SGCZ: variants seen among roughly 807,000 people sequenced by gnomAD.
The protein encoded by SGCZ is sarcoglycan zeta.
SGCZ carries 40 observed loss-of-function variants against 41.3 expected under a neutral mutation model. The ratio of observed to expected loss-of-function variants is 0.97; its 90% CI spans 0.75 to 1.26. The LOEUF (loss-of-function observed/expected upper bound fraction) is 1.26. Ranked by LOEUF, SGCZ falls within the 50% of genes most tolerant of loss-of-function variation. SGCZ has a pLI of 0.00. For missense variants in SGCZ, 552 were observed against 369.8 expected, an observed-to-expected ratio of 1.49 and a Z score of -4.04; for synonymous variants, 206 against 137.5, an observed-to-expected ratio of 1.50 and a Z score of -3.49.
At chr8:14,201,946 T>C (rs111288946) in intron 4 of SGCZ, among the ~76,000 whole-genome samples, 1,971 of 152,308 alleles carry the variant, frequency 0.013, 52 homozygotes, top group African/African-American at 0.046. Flanking sequence ...TGAAAATATA[T>C]GTAAGACTTA....
chr8:15,150,841 A>T (rs1484165947), intron 1 of SGCZ, among the ~76,000 whole-genome samples: 1 of 151,942 alleles, frequency 6.6e-6, no homozygotes, highest in Admixed American at 6.6e-5. Context: ...TTTCTTTACT[A>T]TTTGCAGCTG....
intron 1 of SGCZ, among the ~76,000 whole-genome samples, chr8:15,000,617 G>A (rs974120860): frequency 3.3e-5 from 5 of 152,234 alleles, no homozygotes; most frequent in African/African-American, 1.2e-4. Context: ...TGCCAGCCAC[G>A]TGTACAGCAA....
intron 1 of SGCZ, among the ~76,000 whole-genome samples, chr8:14,692,349 T>C (rs911210961): frequency 2.0e-5 from 3 of 152,098 alleles, no homozygotes; most frequent in African/African-American, 7.2e-5. Flanking sequence ...GATTTACTAT[T>C]ATCATAAGTG....
At chr8:14,802,777 G>A (rs1219221412) in intron 1 of SGCZ, among the ~76,000 whole-genome samples, 2 of 152,166 alleles carry the variant, frequency 1.3e-5, no homozygotes, top group Non-Finnish European at 1.5e-5. Context: ...TGAAAAATGG[G>A]CTTAGATGAG....
intron 1 of SGCZ, among the ~76,000 whole-genome samples, chr8:14,626,309 C>T (rs1352742101): frequency 6.6e-6 from 1 of 152,072 alleles, no homozygotes; most frequent in African/African-American, 2.4e-5. Context: ...TATCCCTCCC[C>T]CAACCCCCTC....
chr8:15,161,958 G>T (rs999220696), intron 1 of SGCZ, among the ~76,000 whole-genome samples: 2 of 152,154 alleles, frequency 1.3e-5, no homozygotes, highest in Non-Finnish European at 2.9e-5. Flanking sequence ...TTGAGCCCAG[G>T]AAGTGGAGGT....
intron 1 of SGCZ, among the ~76,000 whole-genome samples, chr8:14,729,550 C>T (rs1285271594): frequency 1.3e-5 from 2 of 152,110 alleles, no homozygotes; most frequent in Non-Finnish European, 2.9e-5. Context: ...CATGTGAGGA[C>T]ACAGTGAGAA....
chr8:14,876,746 A>C (rs1804370945), intron 1 of SGCZ, among the ~76,000 whole-genome samples: 1 of 152,160 alleles, frequency 6.6e-6, no homozygotes, highest in Non-Finnish European at 1.5e-5. Context: ...ATTAAGAGAG[A>C]GGCAAGAGGA....
intron 1 of SGCZ, among the ~76,000 whole-genome samples, chr8:15,149,185 T>C (rs1049328293): frequency 6.6e-6 from 1 of 152,046 alleles, no homozygotes; most frequent in Non-Finnish European, 1.5e-5. Flanking sequence ...TATTTTTTTT[T>C]ATTATTGACT....
At chr8:15,083,484 A>G (rs1355171195) in intron 1 of SGCZ, among the ~76,000 whole-genome samples, 2 of 152,150 alleles carry the variant, frequency 1.3e-5, no homozygotes, top group Admixed American at 6.6e-5. Context: ...TCTAGTTAAC[A>G]TATGTGTTTA....
chr8:14,193,844 T>C (rs1264771155), intron 4 of SGCZ, among the ~76,000 whole-genome samples: 2 of 151,864 alleles, frequency 1.3e-5, no homozygotes, highest in Non-Finnish European at 3.0e-5. Context: ...GCTTTTGGTT[T>C]AATAAAGAAA....
chr8:14,182,053 G>C (rs1006134508), intron 4 of SGCZ, among the ~76,000 whole-genome samples: 2 of 152,116 alleles, frequency 1.3e-5, no homozygotes, highest in African/African-American at 4.8e-5. Context: ...TTTCTCCTTT[G>C]CATGCTGCTA....
chr8:14,348,660 A>C (rs971418318), intron 2 of SGCZ, among the ~76,000 whole-genome samples: 1 of 152,158 alleles, frequency 6.6e-6, no homozygotes, highest in Admixed American at 6.6e-5. Flanking sequence ...TATTCTCCCA[A>C]GGAACGCACA....
intron 1 of SGCZ, among the ~76,000 whole-genome samples, chr8:15,201,272 C>A (rs1800880010): frequency 6.6e-6 from 1 of 152,202 alleles, no homozygotes; most frequent in Non-Finnish European, 1.5e-5. Flanking sequence ...CCACCTCAGC[C>A]TCCCAAAGTG....
At chr8:14,764,617 T>C (rs1799986855) in intron 1 of SGCZ, among the ~76,000 whole-genome samples, 1 of 152,110 alleles carries the variant, frequency 6.6e-6, no homozygotes, top group Non-Finnish European at 1.5e-5. Flanking sequence ...AAAATGTCAG[T>C]GTTATGAGAG....
Position 15,082,607 on chromosome 8 carries a change from T to A in SGCZ, c.39+154978A>T, listed in dbSNP as rs561267681. The stretch of plus-strand genomic sequence containing the variant: ...ACACTGGGACACATGGCATAGAATA[T>A]AAAAACGTCCAGTGCAGAGGCATGG... On this transcript the variant is annotated intron_variant, in intron 1 of 7. Transcript: ENST00000382080. Among the ~76,000 whole-genome samples, 156 of 152,192 alleles carry A rather than the reference T, an allele frequency of 1.0e-3. 2 individuals carry two copies. The highest frequency in any genetic ancestry group is 3.5e-3 in the African/African-American group (147 of 41,536).
chr8:14,214,725 T>C (rs1585239285), intron 4 of SGCZ, among the ~76,000 whole-genome samples: 1 of 151,938 alleles, frequency 6.6e-6, no homozygotes. Context: ...GGAATATCTA[T>C]GAGTATTAGA....
intron 2 of SGCZ, among the ~76,000 whole-genome samples, chr8:14,475,604 C>T (rs749869911): frequency 1.2e-4 from 18 of 152,030 alleles, no homozygotes; most frequent in Non-Finnish European, 2.2e-4. Context: ...ATTTTATTTA[C>T]AAGACAACTT....
intron 1 of SGCZ, among the ~76,000 whole-genome samples, chr8:14,956,381 G>A (rs1454033653): frequency 6.6e-6 from 1 of 152,026 alleles, no homozygotes; most frequent in Non-Finnish European, 1.5e-5. Flanking sequence ...TTTTTGCACA[G>A]TCTGTTCCCT....
Sources: allele counts gnomAD v4.1 joint callset (sites outside exome capture counted in the v4.1 genomes callset), GRCh38; gene constraint gnomAD v4.1.1; transcripts MANE v1.5; gene names NCBI Gene and HGNC (gene_info 2026-07-23, HGNC 2026-07-21).